Variants in EBF2 observed in about 807,000 individuals in gnomAD.
The protein encoded by EBF2 is transcription factor COE2.
EBF2 carries 21 observed loss-of-function variants against 72.8 expected under a neutral mutation model. That is an observed-to-expected ratio of 0.29 (90% CI 0.20 to 0.42). The LOEUF is 0.42. EBF2 is among the 10% of genes least tolerant of loss of function. The pLI, the probability that EBF2 is intolerant of heterozygous loss-of-function variation, is 1.00. For missense variants in EBF2, 637 were observed against 731.2 expected, an observed-to-expected ratio of 0.87 and a Z score of 1.49; for synonymous variants, 299 against 274.2, an observed-to-expected ratio of 1.09 and a Z score of -0.89.
intron 9 of EBF2, 103 bp from the exon 10 acceptor site, chr8:25,886,984 TTC>T: frequency 7.7e-7 from 1 of 1,299,214 alleles, no homozygotes; most frequent in Non-Finnish European, 1.0e-6. Flanking sequence ...AGGGGCTTCT[TTC>T]TCTCTGCTCT....
intron 10 of EBF2, among the ~76,000 whole-genome samples, chr8:25,871,856 T>TATC (rs1208714771): frequency 1.3e-5 from 2 of 152,226 alleles, no homozygotes; most frequent in African/African-American, 4.8e-5. Context: ...TACTTACATA[T>TATC]ATCTTGGACC....
At chr8:25,950,813 C>T (rs1341641226) in intron 6 of EBF2, among the ~76,000 whole-genome samples, 1 of 151,906 alleles carries the variant, frequency 6.6e-6, no homozygotes, top group Non-Finnish European at 1.5e-5. Context: ...AATTCACAGG[C>T]CAGTAAAGCT....
chr8:25,918,006 G>A (rs1803252815), intron 6 of EBF2, among the ~76,000 whole-genome samples: 1 of 152,332 alleles, frequency 6.6e-6, no homozygotes, highest in Middle Eastern at 3.4e-3. Context: ...GGGAATCAAG[G>A]TTGGACAACT....
chr8:25,923,258 A>C (rs1051807002), intron 6 of EBF2, among the ~76,000 whole-genome samples: 1 of 152,222 alleles, frequency 6.6e-6, no homozygotes, highest in Admixed American at 6.5e-5. Flanking sequence ...TGGCCCAGAG[A>C]GTCCTGTGGC....
At chr8:26,024,464 C>G (rs1805265760) in intron 6 of EBF2, among the ~76,000 whole-genome samples, 1 of 152,036 alleles carries the variant, frequency 6.6e-6, no homozygotes. Context: ...CATAATAGGC[C>G]CTTGATAAAT....
chr8:26,039,920 G>A lies in EBF2; in HGVS notation c.482+108C>T. On this transcript the variant is annotated intron_variant, in intron 5 of 15. Coordinates refer to ENST00000520164, the MANE Select transcript of EBF2 (RefSeq NM_022659.4). ...GCCCGTCTGCCCGCGAGGCCTCCCAGCTGCGAGCGCTCAGTCCTGAAAGTT... is the reference window on the plus strand; with the variant it reads ...GCCCGTCTGCCCGCGAGGCCTCCCAACTGCGAGCGCTCAGTCCTGAAAGTT... 1.2e-5 allele frequency: 14 copies of A among 1,206,878 alleles called. 1 individual carries two copies. In the South Asian group the frequency reaches 1.7e-4, roughly 14 times the overall value. The allele number at this position is 1,206,878 out of a possible 1,614,324, so 74.8% of individuals were successfully genotyped here. A position where few individuals can be genotyped will look rare whatever the true frequency, so the allele number is the denominator to read the frequency against.
chr8:25,962,330 G>A (rs1431885737), intron 6 of EBF2, among the ~76,000 whole-genome samples: 1 of 152,028 alleles, frequency 6.6e-6, no homozygotes, highest in African/African-American at 2.4e-5. Flanking sequence ...TTGCAAAGAG[G>A]GCTGTCTTGG....
intron 6 of EBF2, among the ~76,000 whole-genome samples, chr8:25,996,479 A>G (rs190782287): frequency 7.2e-5 from 11 of 152,288 alleles, no homozygotes; most frequent in Admixed American, 3.3e-4. Flanking sequence ...AGAACTGCAA[A>G]TTGAGTACTT....
chr8:25,959,419 G>C (rs1283929520), intron 6 of EBF2, among the ~76,000 whole-genome samples: 1 of 152,078 alleles, frequency 6.6e-6, no homozygotes, highest in Non-Finnish European at 1.5e-5. Flanking sequence ...TCGTCAGGCT[G>C]GTCTTGAACT....
chr8:25,887,284 A>G (rs1170566971), intron 9 of EBF2, among the ~76,000 whole-genome samples: 1 of 151,886 alleles, frequency 6.6e-6, no homozygotes, highest in Non-Finnish European at 1.5e-5. Flanking sequence ...TCCTCTGCTG[A>G]ACTCCTATCC....
In EBF2 at chr8:25,873,810, A is replaced by G. The variant is rs997611711; in HGVS notation, c.1010-11013T>C. ...GTAAATCTAAATGCCACAATGGAGC[A>G]GTTATAAATACACTCTTGCTCTCTG... On this transcript the variant is annotated intron_variant, in intron 10 of 15. Transcript: ENST00000520164. Among the ~76,000 whole-genome samples the G allele has an allele frequency of 3.3e-5, 5 of 152,356 alleles. No individual in the cohort carries two copies. In the East Asian group the frequency reaches 7.7e-4, roughly 24 times the overall value.
chr8:26,044,788 A>T lies in EBF2; in HGVS notation c.72T>A (p.Asp24Glu), dbSNP rs371387258. 6.2e-7 allele frequency: 1 copy of T among 1,614,096 alleles called. No individual in the cohort carries two copies. The highest frequency in any genetic ancestry group is 8.5e-7 in the Non-Finnish European group (1 of 1,180,014). Residue 24 changes from aspartate (D) to glutamate (E), a missense_variant, in exon 1 of 16, where the codon GAT (aspartate) becomes GAA (glutamate). By Grantham distance (45) the Asp-to-Glu change is conservative. Coordinates refer to ENST00000520164, the MANE Select transcript of EBF2 (RefSeq NM_022659.4). The surrounding 1 kb of genome is among the most constrained non-coding windows in gnomAD (Gnocchi z 4.1). ...LKEKSLGAEM[D>E]SVRSWVRNVG... ...CATTCCGGACCCAGGACCTGACCGA[A>T]TCCATCTCCGCGCCCAGCGATTTCT...
chr8:25,906,758 C>T (rs1410112760), intron 7 of EBF2, among the ~76,000 whole-genome samples: 1 of 139,424 alleles, frequency 7.2e-6, no homozygotes, highest in East Asian at 2.2e-4. Context: ...CAGAGCGAGA[C>T]TCCATCTCAA....
intron 10 of EBF2, among the ~76,000 whole-genome samples, chr8:25,879,944 C>A (rs1001443506): frequency 1.3e-5 from 2 of 152,146 alleles, no homozygotes; most frequent in Non-Finnish European, 2.9e-5. Context: ...TTTATTAGTG[C>A]AGTTGGGACT....
intron 15 of EBF2, among the ~76,000 whole-genome samples, chr8:25,845,604 G>C (rs569574382): frequency 6.6e-6 from 1 of 152,232 alleles, no homozygotes; most frequent in Non-Finnish European, 1.5e-5. Context: ...AAAGGATTCG[G>C]ACAATGCCTG....
In EBF2 at chr8:25,888,833, C is replaced by T. The variant is rs62499076; in HGVS notation, c.752-861G>A. On this transcript the variant is annotated intron_variant, in intron 8 of 15. Transcript: ENST00000520164. ...GAGAACTTTGGCAGGACTCCAAAAA[C>T]ATGAGCCCCCTTTGAACAGCCAGTC... Among the ~76,000 whole-genome samples, 716 of 152,270 alleles carry T rather than the reference C, an allele frequency of 4.7e-3. 6 individuals carry two copies. Among genetic ancestry groups the T allele is most frequent in the South Asian group, 0.023 (110 of 4,826 alleles).
At position 25,844,518 on chromosome 8, in the gene EBF2, A is replaced by G; in HGVS notation, c.*91T>C. 2 of 1,442,322 alleles carry G rather than the reference A, an allele frequency of 1.4e-6. No individual in the cohort carries two copies. The highest frequency in any genetic ancestry group is 4.6e-5 in the East Asian group (2 of 43,912). 89.3% of individuals were successfully genotyped at this position (1,442,322 alleles called of 1,614,324 possible). A position where few individuals can be genotyped will look rare whatever the true frequency, so the allele number is the denominator to read the frequency against. ...GTGTCCATCATGTTCATGTGGGGGC[A>G]CCACTACACCCCCAAAAGAGCTCCT... On this transcript the variant is annotated 3_prime_UTR_variant, in exon 16 of 16. Transcript: ENST00000520164.
intron 6 of EBF2, among the ~76,000 whole-genome samples, chr8:25,974,562 G>A (rs555927547): frequency 7.2e-5 from 11 of 152,296 alleles, no homozygotes; most frequent in South Asian, 4.1e-4. Context: ...TTTTAATGTG[G>A]TGTGGACTAA....
At chr8:26,023,809 G>C (rs112079352) in intron 6 of EBF2, among the ~76,000 whole-genome samples, 7 of 152,098 alleles carry the variant, frequency 4.6e-5, no homozygotes, top group Non-Finnish European at 2.9e-5. Flanking sequence ...AGGGTGTGAA[G>C]AGGTGAGAAA....
Sources: gnomAD v4.1 joint callset for allele counts (sites outside exome capture counted in the v4.1 genomes callset) on GRCh38, gnomAD v4.1.1 for gene constraint, Gnocchi (gnomAD v3.1) non-coding constraint, MANE v1.5 for transcripts, NCBI Gene and HGNC (gene_info 2026-07-23, HGNC 2026-07-21) for gene names.